Variants in TMCC2 observed in about 807,000 individuals in gnomAD.
The protein encoded by TMCC2 is transmembrane and coiled-coil domains protein 2.
TMCC2 carries 16 observed loss-of-function variants against 49.4 expected under a neutral mutation model. That is an observed-to-expected ratio of 0.32 (90% confidence interval 0.22 to 0.49). The LOEUF (loss-of-function observed/expected upper bound fraction) is 0.49, where lower values mean the gene tolerates loss of function less well. Ranked by LOEUF, TMCC2 falls within the 20% of genes least tolerant of loss-of-function variation. The pLI, the probability that TMCC2 is intolerant of heterozygous loss-of-function variation, is 0.99. For synonymous variants in TMCC2, 397 were observed against 434.1 expected, an observed-to-expected ratio of 0.91 and a Z score of 1.06; for missense variants, 762 against 989.8, an observed-to-expected ratio of 0.77 and a Z score of 3.09.
Position 205,269,604 on chromosome 1 carries a change from G to T in TMCC2, c.1402G>T (p.Val468Phe). Residue 468 changes from valine (V) to phenylalanine (F), a missense_variant, in exon 3 of 5, where the codon GTC becomes TTC. By Grantham distance (50) the Val-to-Phe change is conservative. Transcript: ENST00000358024. ...ARALSGSATL[V>F]SSPKYGSDDE... ...GGCACTGAGCGGCAGTGCCACACTC[G>T]TCTCCAGCCCCAAGTATGGCAGCGA... 6.2e-7 allele frequency: 1 copy of T among 1,613,812 alleles called. No individual in the cohort carries two copies. The highest frequency in any genetic ancestry group is 8.5e-7 in the Non-Finnish European group (1 of 1,179,978).
chr1:205,265,551 C>G (rs1661286921), intron 2 of TMCC2, among the ~76,000 whole-genome samples: 2 of 152,072 alleles, frequency 1.3e-5, no homozygotes, highest in East Asian at 1.9e-4. Flanking sequence ...GACTCAGAAC[C>G]CATTTTCTTT....
intron 1 of TMCC2, among the ~76,000 whole-genome samples, chr1:205,230,986 C>G (rs1659770578): frequency 2.7e-5 from 1 of 36,948 alleles, no homozygotes; most frequent in Non-Finnish European, 7.6e-5. Flanking sequence ...CCCATCCACC[C>G]CATCCCCCCA....
At chr1:205,242,241 A>T (rs1017053131) in intron 2 of TMCC2, among the ~76,000 whole-genome samples, 197 bp downstream of exon 2, 1 of 152,172 alleles carries the variant, frequency 6.6e-6, no homozygotes, top group Non-Finnish European at 1.5e-5. Flanking sequence ...AGGATGGCTA[A>T]TTTTTGTTTC....
Position 205,270,386 on chromosome 1 carries a change from T to C in TMCC2, c.1682+502T>C, listed in dbSNP as rs1296000625. 2.0e-5 allele frequency among the ~76,000 whole-genome samples: 3 copies of C among 152,130 alleles called. No homozygotes were observed. The East Asian group carries it at 5.8e-4, about 29-fold the overall frequency. ...GAATGGATGTATAGCTTCCAAAACA[T>C]GAACCTCCAGTCGGAGCTCCTGGGG... is the stretch of plus-strand genomic sequence containing the variant. On this transcript the variant is annotated intron_variant, in intron 3 of 4. Coordinates refer to ENST00000358024, the MANE Select transcript of TMCC2 (RefSeq NM_014858.4).
chr1:205,229,291 C>T (rs1406060248), intron 1 of TMCC2, among the ~76,000 whole-genome samples: 1 of 151,666 alleles, frequency 6.6e-6, no homozygotes, highest in East Asian at 1.9e-4. Context: ...TCGGTTCAAG[C>T]GATTCTCCTG....
chr1:205,251,073 C>G (rs931289644), intron 2 of TMCC2, among the ~76,000 whole-genome samples: 1 of 152,186 alleles, frequency 6.6e-6, no homozygotes, highest in African/African-American at 2.4e-5. Context: ...CTGCTTCTGC[C>G]TCTTCTTTTC....
intron 1 of TMCC2, among the ~76,000 whole-genome samples, chr1:205,239,073 C>T (rs1337411404): frequency 6.6e-6 from 1 of 152,170 alleles, no homozygotes; most frequent in Non-Finnish European, 1.5e-5. Context: ...GGAAATGCCT[C>T]AGAACTCTAG....
chr1:205,268,821 G>T, intron 2 of TMCC2, 129 bp from the exon 3 acceptor site: 2 of 852,868 alleles, frequency 2.3e-6, no homozygotes, highest in Non-Finnish European at 3.6e-6. Flanking sequence ...TACTGCTCTT[G>T]TGGTGGTTGT....
At chr1:205,256,215 T>C in intron 2 of TMCC2, 3 of 1,488,638 alleles carry the variant, frequency 2.0e-6, no homozygotes, top group Non-Finnish European at 2.7e-6. Flanking sequence ...GGGTGCAGAA[T>C]CCATGTCTTT....
chr1:205,246,198 T>C (rs1660445349), intron 2 of TMCC2, among the ~76,000 whole-genome samples: 1 of 151,358 alleles, frequency 6.6e-6, no homozygotes, highest in Admixed American at 6.6e-5. Flanking sequence ...AGAAGTCAAA[T>C]GTGGTTCACA....
intron 1 of TMCC2, among the ~76,000 whole-genome samples, chr1:205,237,975 T>G (rs1660122739): frequency 6.6e-6 from 1 of 152,232 alleles, no homozygotes; most frequent in Admixed American, 6.5e-5. Context: ...TTACAGATCA[T>G]GAAAGCCCTG....
intron 1 of TMCC2, 45 bp downstream of exon 1, chr1:205,228,816 C>T: frequency 6.5e-7 from 1 of 1,542,244 alleles, no homozygotes; most frequent in Non-Finnish European, 8.7e-7. Flanking sequence ...CGCGACTTAG[C>T]TCTCGCCACC....
At chr1:205,238,229 ATG>A (rs1343128307) in intron 1 of TMCC2, among the ~76,000 whole-genome samples, 1 of 151,642 alleles carries the variant, frequency 6.6e-6, no homozygotes, top group Non-Finnish European at 1.5e-5. Flanking sequence ...GGTTATGTGT[ATG>A]TGCTGAGTTT....
At position 205,272,529 on chromosome 1, in the gene TMCC2, T is replaced by G; in HGVS notation, c.*405T>G. On this transcript the variant is annotated 3_prime_UTR_variant, in exon 5 of 5. Coordinates refer to ENST00000358024, the MANE Select transcript of TMCC2 (RefSeq NM_014858.4). The stretch of plus-strand genomic sequence containing the variant: ...AGCCCACCTCGGAGATAGCTACGGT[T>G]TTCTCTGGTGGAGATGGTGAGGATG... The G allele has an allele frequency of 4.7e-6, 1 of 213,986 alleles. No individual in the cohort carries two copies. Among genetic ancestry groups the G allele is most frequent in the Non-Finnish European group, 9.4e-6 (1 of 106,170 alleles). 13.3% of individuals were successfully genotyped at this position (213,986 alleles called of 1,614,324 possible). A position where few individuals can be genotyped will look rare whatever the true frequency, so the allele number is the denominator to read the frequency against.
chr1:205,250,908 A>C (rs1233801102), intron 2 of TMCC2, among the ~76,000 whole-genome samples: 1 of 152,118 alleles, frequency 6.6e-6, no homozygotes, highest in Non-Finnish European at 1.5e-5. Context: ...GGCACTGATG[A>C]TGTGGGCTGG....
At chr1:205,259,922 T>C (rs1661036187) in intron 2 of TMCC2, among the ~76,000 whole-genome samples, 1 of 152,114 alleles carries the variant, frequency 6.6e-6, no homozygotes, top group African/African-American at 2.4e-5. Context: ...TAGGGAAAGT[T>C]GGGTCTTGGA....
intron 1 of TMCC2, among the ~76,000 whole-genome samples, chr1:205,238,501 T>A (rs749297171): frequency 1.3e-5 from 2 of 152,210 alleles, no homozygotes; most frequent in Non-Finnish European, 2.9e-5. Context: ...TCCTGGGGTC[T>A]CCTGGTCACT....
At chr1:205,246,570 A>G (rs1396202132) in intron 2 of TMCC2, 1 of 1,547,962 alleles carries the variant, frequency 6.5e-7, no homozygotes, top group Non-Finnish European at 8.7e-7. Context: ...CGCGTTGGCT[A>G]AAAGGGTGGC....
intron 2 of TMCC2, among the ~76,000 whole-genome samples, chr1:205,256,967 C>G (rs1317311767): frequency 7.0e-6 from 1 of 143,724 alleles, no homozygotes; most frequent in Non-Finnish European, 1.5e-5. Context: ...CCCCCTTTGC[C>G]CCCCACCCCC....
Sources: gnomAD v4.1 joint callset for allele counts (sites outside exome capture counted in the v4.1 genomes callset) on GRCh38, gnomAD v4.1.1 for gene constraint, MANE v1.5 for transcripts, NCBI Gene and HGNC (gene_info 2026-07-23, HGNC 2026-07-21) for gene names.